The following SERPINB5 variants were observed in gnomAD, a reference collection of about 807,000 sequenced individuals.
SERPINB5 encodes serpin family B member 5.
A neutral mutation model predicts 32.2 loss-of-function variants in SERPINB5; 27 were observed. The observed-to-expected ratio is 0.84, with a 90% CI of 0.62 to 1.16. The LOEUF is 1.16. Among genes scored for constraint, SERPINB5 ranks in the 50% most tolerant of loss-of-function variants. The pLI is 0.00. For missense variants in SERPINB5, 388 were observed against 436.3 expected (o/e 0.89, Z 0.99); for synonymous variants, 154 against 157.4 (o/e 0.98, Z 0.16).
rs755469983 is a variant in SERPINB5 at position 63,486,990 on chromosome 18, A to G, written c.213A>G (p.Gln71=). 6.2e-7 allele frequency: 1 copy of G among 1,614,218 alleles called. No homozygotes were observed. The highest frequency in any genetic ancestry group is 1.1e-5 in the South Asian group (1 of 91,076). ...TCAAAGATGTACCCTTTGGATTTCA[A>G]ACAGTAACATCGGATGTAAACAAAC... The part of the protein sequence containing the change: ...ENVKDVPFGF[Q]TVTSDVNKLS... Residue 71 remains glutamine (Q), a synonymous_variant, in exon 3 of 7, where the codon CAA becomes CAG. Transcript: ENST00000382771.
intron 5 of SERPINB5, chr18:63,493,590 G>A (rs1177505078): frequency 1.1e-5 from 2 of 182,102 alleles, no homozygotes; most frequent in African/African-American, 4.7e-5. Context: ...TGGGCGTGGT[G>A]GCTCATGCCT....
intron 1 of SERPINB5, among the ~76,000 whole-genome samples, chr18:63,483,164 C>A (rs1199403842): frequency 6.6e-6 from 1 of 152,206 alleles, no homozygotes; most frequent in Non-Finnish European, 1.5e-5. Flanking sequence ...CTAGTTGCTG[C>A]TATATCCACT....
chr18:63,477,428 G>T (rs979624461), intron 1 of SERPINB5: 1 of 152,208 alleles, frequency 6.6e-6, no homozygotes, highest in South Asian at 2.1e-4. Context: ...TGCAATGCTA[G>T]TTTCAGAAAG....
At chr18:63,479,517 A>G (rs1917092322) in intron 1 of SERPINB5, among the ~76,000 whole-genome samples, 1 of 152,140 alleles carries the variant, frequency 6.6e-6, no homozygotes, top group South Asian at 2.1e-4. Flanking sequence ...GCTAACTCCT[A>G]CTTATCCTGT....
intron 1 of SERPINB5, 98 bp downstream of exon 1, chr18:63,477,143 A>T (rs1211627038): frequency 1.3e-5 from 2 of 152,002 alleles, no homozygotes; most frequent in East Asian, 3.9e-4. Context: ...AACAAAATGG[A>T]CTTAGGTCCA....
intron 1 of SERPINB5, among the ~76,000 whole-genome samples, chr18:63,482,452 T>G (rs1370060357): frequency 2.0e-5 from 3 of 152,088 alleles, no homozygotes; most frequent in African/African-American, 7.2e-5. Context: ...ACACTTCGAG[T>G]TTAATCCCTG....
At chr18:63,493,957 A>T (rs1909396112) in intron 5 of SERPINB5, among the ~76,000 whole-genome samples, 1 of 152,188 alleles carries the variant, frequency 6.6e-6, no homozygotes, top group Non-Finnish European at 1.5e-5. Flanking sequence ...CATCACTGGA[A>T]GTCATTATGG....
intron 6 of SERPINB5, among the ~76,000 whole-genome samples, chr18:63,500,900 C>CTTT (rs756257863): frequency 1.3e-5 from 2 of 151,994 alleles, no homozygotes; most frequent in Non-Finnish European, 2.9e-5. Flanking sequence ...ATTACTCTCT[C>CTTT]TGTTTTTTTT....
At chr18:63,483,946 G>T (rs79803665) in intron 1 of SERPINB5, among the ~76,000 whole-genome samples, 1 of 152,160 alleles carries the variant, frequency 6.6e-6, no homozygotes, top group Non-Finnish European at 1.5e-5. Flanking sequence ...CTTTTTGGGG[G>T]ACACAATTCA....
intron 6 of SERPINB5, among the ~76,000 whole-genome samples, chr18:63,502,999 G>A (rs985224202): frequency 2.0e-5 from 3 of 152,024 alleles, no homozygotes; most frequent in Admixed American, 6.6e-5. Flanking sequence ...ACTCCAGCCC[G>A]GGTGACAGAA....
chr18:63,500,778 T>C (rs1465649420), intron 6 of SERPINB5, among the ~76,000 whole-genome samples: 2 of 152,210 alleles, frequency 1.3e-5, no homozygotes, highest in Admixed American at 6.5e-5. Context: ...AGTGATTTGC[T>C]GACTTTCCAG....
rs761584277 is a variant in SERPINB5, at chr18:63,503,554, C to T, written c.960C>T (p.His320=). 2.5e-5 allele frequency: 40 copies of T among 1,614,108 alleles called. No individual in the cohort carries two copies. The highest frequency in any genetic ancestry group is 2.9e-5 in the Non-Finnish European group (34 of 1,180,042). Reference sequence around the variant, plus strand: ...GAGTGGCCCTATCAAATGTTATCCACAAAGTGTGCTTAGAAATAACTGAAG... The same window carrying T: ...GAGTGGCCCTATCAAATGTTATCCATAAAGTGTGCTTAGAAATAACTGAAG... The part of the protein sequence containing the change: ...TKGVALSNVI[H]KVCLEITEDG... The change falls in exon 7 of 7, where the codon CAC becomes CAT. Residue 320 remains histidine (H), a synonymous_variant. Transcript: ENST00000382771.
At chr18:63,503,037 A>C (rs1909601470) in intron 6 of SERPINB5, among the ~76,000 whole-genome samples, 1 of 152,026 alleles carries the variant, frequency 6.6e-6, no homozygotes, top group Non-Finnish European at 1.5e-5. Flanking sequence ...AACCCAAACA[A>C]ACAAACAAAC....
Position 63,496,886 on chromosome 18 carries a change from G to A in SERPINB5, c.568-2234G>A, listed in dbSNP as rs566589756. ...AGGAGCAAAGAGAAGAAAAGGCCTG[G>A]GCAGTGCTTGGACATAAAAGACCTG... On this transcript the variant is annotated intron_variant, in intron 5 of 6. Coordinates refer to ENST00000382771, the MANE Select transcript of SERPINB5 (RefSeq NM_002639.5). The A allele has an allele frequency of 9.2e-5, 29 of 315,718 alleles. No individual in the cohort carries two copies. The East Asian group carries it at 1.0e-3, about 11-fold the overall frequency. 19.6% of individuals were successfully genotyped at this position (315,718 alleles called of 1,614,324 possible).
chr18:63,500,217 A>G (rs1300037116), intron 6 of SERPINB5, among the ~76,000 whole-genome samples: 1 of 147,612 alleles, frequency 6.8e-6, no homozygotes, highest in African/African-American at 2.5e-5. Context: ...AAAGGCACAC[A>G]GCACTATGCC....
At chr18:63,489,730 T>C (rs545177236) in intron 4 of SERPINB5, among the ~76,000 whole-genome samples, 1 of 152,288 alleles carries the variant, frequency 6.6e-6, no homozygotes, top group Admixed American at 6.5e-5. Flanking sequence ...CAGGCCCTAG[T>C]GGAATCCTAG....
Position 63,489,374 on chromosome 18 carries a change from T to G in SERPINB5, c.334T>G (p.Tyr112Asp). Residue 112 changes from tyrosine (Y) to aspartate (D), a missense_variant, in exon 4 of 7, where the codon TAT (tyrosine) becomes GAT (aspartate). Tyr to Asp is a radical substitution (Grantham distance 160). Transcript: ENST00000382771. ...TEFISSTKRP[Y>D]AKELETVDFK... ...GTTCATCAGCTCTACGAAGAGACCG[T>G]ATGCAAAGGAATTGGAAACTGTTGA... 6.2e-7 allele frequency: 1 copy of G among 1,611,892 alleles called. No individual in the cohort carries two copies. Among genetic ancestry groups the G allele is most frequent in the Non-Finnish European group, 8.5e-7 (1 of 1,178,662 alleles).
intron 2 of SERPINB5, 31 bp downstream of exon 2, chr18:63,484,627 G>A (rs1917176753): frequency 6.3e-7 from 1 of 1,586,990 alleles, no homozygotes; most frequent in Non-Finnish European, 8.6e-7. Context: ...TCTACTTTAA[G>A]TGGGAATACA....
chr18:63,501,227 T>C (rs9961881), intron 6 of SERPINB5, among the ~76,000 whole-genome samples: 57,144 of 135,854 alleles, frequency 0.42, 12,307 homozygotes, highest in Non-Finnish European at 0.5. Flanking sequence ...TGGTGTGTGG[T>C]GTTCCCCTTC....
Sources: gnomAD v4.1 joint callset for allele counts (sites outside exome capture counted in the v4.1 genomes callset) on GRCh38, gnomAD v4.1.1 for gene constraint, MANE v1.5 for transcripts, NCBI Gene and HGNC (gene_info 2026-07-23, HGNC 2026-07-21) for gene names.